OSGIN2: variants seen among roughly 807,000 people sequenced by gnomAD.
The protein encoded by OSGIN2 is oxidative stress-induced growth inhibitor 2.
A neutral mutation model predicts 53.8 loss-of-function variants in OSGIN2; 19 were observed. The ratio of observed to expected loss-of-function variants is 0.35; its 90% CI spans 0.25 to 0.52. The LOEUF (loss-of-function observed/expected upper bound fraction) is 0.52. Among genes scored for constraint, OSGIN2 ranks in the 20% least tolerant of loss-of-function variants. The pLI is 0.95. For synonymous variants in OSGIN2, 236 were observed against 236.0 expected (o/e 1.00, Z 0.00); for missense variants, 520 against 662.7 (o/e 0.78, Z 2.36).
intron 1 of OSGIN2, among the ~76,000 whole-genome samples, chr8:89,904,929 A>G (rs572432857): frequency 1.3e-5 from 2 of 152,092 alleles, no homozygotes; most frequent in South Asian, 4.1e-4. Flanking sequence ...AAAGGAAAAA[A>G]CCTCTTCCTT....
Position 89,925,766 on chromosome 8 carries a change from C to A in OSGIN2, c.*234C>A. The A allele has an allele frequency of 4.7e-6, 2 of 424,538 alleles. No individual in the cohort carries two copies. Among genetic ancestry groups the A allele is most frequent in the Non-Finnish European group, 8.4e-6 (2 of 238,770 alleles). 26.3% of individuals were successfully genotyped at this position (424,538 alleles called of 1,614,324 possible). A position where few individuals can be genotyped will look rare whatever the true frequency, so the allele number is the denominator to read the frequency against. ...CACTGCCAACTTGGTGTAACTTAAGCTTTCATTTAACTAAAACATTCTTTT... is the reference window on the plus strand; with the variant it reads ...CACTGCCAACTTGGTGTAACTTAAGATTTCATTTAACTAAAACATTCTTTT... On this transcript the variant is annotated 3_prime_UTR_variant, in exon 6 of 6. Transcript: ENST00000451899.
chr8:89,913,178 C>T (rs757084136), intron 2 of OSGIN2, among the ~76,000 whole-genome samples: 3 of 152,162 alleles, frequency 2.0e-5, no homozygotes, highest in African/African-American at 4.8e-5. Context: ...ATTCCGGCAC[C>T]TCTCATAATC....
At chr8:89,910,858 A>G (rs981103252) in intron 2 of OSGIN2, among the ~76,000 whole-genome samples, 1 of 152,216 alleles carries the variant, frequency 6.6e-6, no homozygotes, top group Non-Finnish European at 1.5e-5. Flanking sequence ...AGCCTCATGT[A>G]TATTTATATA....
At chr8:89,914,777 A>G in intron 4 of OSGIN2, 31 bp downstream of exon 4, 1 of 1,532,132 alleles carries the variant, frequency 6.5e-7, no homozygotes, top group Admixed American at 1.7e-5. Context: ...ATTTTAGTGT[A>G]TGTGAATTAT....
Position 89,921,180 on chromosome 8 carries a change from T to C in OSGIN2, c.620+9T>C. 2.7e-6 allele frequency: 4 copies of C among 1,485,214 alleles called. No individual in the cohort carries two copies. Among genetic ancestry groups the C allele is most frequent in the Non-Finnish European group, 3.7e-6 (4 of 1,082,522 alleles). The allele number at this position is 1,485,214 out of a possible 1,614,324, so 92.0% of individuals were successfully genotyped here. A position where few individuals can be genotyped will look rare whatever the true frequency, so the allele number is the denominator to read the frequency against. ...GTATCAAGTAAACGAAGGTAAAGATTGAACTGTATTAAAATTCTTTGGTGT... is the reference window on the plus strand; with the variant it reads ...GTATCAAGTAAACGAAGGTAAAGATCGAACTGTATTAAAATTCTTTGGTGT... On this transcript the variant is annotated intron_variant, in intron 5 of 5. Coordinates refer to ENST00000451899, the MANE Select transcript of OSGIN2 (RefSeq NM_001126111.3).
chr8:89,909,953 T>C (rs937550156), intron 2 of OSGIN2, among the ~76,000 whole-genome samples: 1 of 152,230 alleles, frequency 6.6e-6, no homozygotes, highest in African/African-American at 2.4e-5. Context: ...TACATTATTT[T>C]AAAATATCTC....
rs1809339474 is a variant in OSGIN2 at position 89,926,615 on chromosome 8, T to C, written c.*1083T>C. 6.6e-6 allele frequency: 1 copy of C among 152,406 alleles called. No individual in the cohort carries two copies. The highest frequency in any genetic ancestry group is 6.5e-5 in the Admixed American group (1 of 15,270). The allele number at this position is 152,406 out of a possible 1,614,324, so 9.4% of individuals were successfully genotyped here. Reference sequence around the variant, plus strand: ...GATGACATAGCAGCTCATATCATGGTTGTTTATTGGATTTATCTGTTCTAA... The same window carrying C: ...GATGACATAGCAGCTCATATCATGGCTGTTTATTGGATTTATCTGTTCTAA... On this transcript the variant is annotated 3_prime_UTR_variant, in exon 6 of 6. Transcript: ENST00000451899.
At chr8:89,902,374 C>G (rs1429459477), upstream of OSGIN2, among the ~76,000 whole-genome samples, 8 of 152,152 alleles carry the variant, frequency 5.3e-5, no homozygotes, top group Admixed American at 2.0e-4. Flanking sequence ...CGCAGTTTGC[C>G]TGCAGACCTC....
intron 1 of OSGIN2, among the ~76,000 whole-genome samples, chr8:89,909,051 CATA>C (rs1808911301): frequency 2.2e-5 from 2 of 92,566 alleles, no homozygotes; most frequent in East Asian, 6.5e-4. Context: ...TATATATATA[CATA>C]TATATATATA....
intron 1 of OSGIN2, among the ~76,000 whole-genome samples, chr8:89,903,364 G>T (rs1411814289): frequency 6.6e-6 from 1 of 152,164 alleles, no homozygotes; most frequent in East Asian, 1.9e-4. Context: ...ATGGGGAAAG[G>T]TTTTAGGGGT....
chr8:89,916,632 C>T (rs1809084900), intron 4 of OSGIN2, among the ~76,000 whole-genome samples: 1 of 152,192 alleles, frequency 6.6e-6, no homozygotes, highest in Admixed American at 6.5e-5. Context: ...TCCTACTTAG[C>T]TTCATATAGT....
chr8:89,913,785 G>T (rs1809020428), intron 2 of OSGIN2, among the ~76,000 whole-genome samples: 1 of 152,198 alleles, frequency 6.6e-6, no homozygotes, highest in Admixed American at 6.5e-5. Context: ...CTATCAGGTA[G>T]AATCAAGAAG....
rs773820769 is a variant in OSGIN2 at position 89,924,977 on chromosome 8, C to G, written c.1095C>G (p.Tyr365Ter). Residue 365 changes from tyrosine (Y) to a stop codon, truncating the protein, a stop_gained, in exon 6 of 6, where the codon TAC (tyrosine) becomes TAG (stop). Transcript: ENST00000451899. LOFTEE classifies it high-confidence loss of function. The part of the protein sequence containing the change: ...LTAADAVLCA[Y>*]NSNIPVIHVF... ...CCGCTGACGCAGTACTGTGTGCTTA[C>G]AACAGTAATATCCCTGTGATTCATG... 1.2e-6 allele frequency: 2 copies of G among 1,613,844 alleles called. No individual in the cohort carries two copies. The highest frequency in any genetic ancestry group is 2.2e-5 in the East Asian group (1 of 44,878).
intron 5 of OSGIN2, among the ~76,000 whole-genome samples, chr8:89,923,372 T>A (rs923078803): frequency 3.3e-5 from 5 of 152,168 alleles, no homozygotes; most frequent in African/African-American, 1.2e-4. Flanking sequence ...TAATAATAAT[T>A]ATTAAACTTC....
At chr8:89,920,271 A>G (rs899556888) in intron 4 of OSGIN2, among the ~76,000 whole-genome samples, 2 of 152,114 alleles carry the variant, frequency 1.3e-5, no homozygotes, top group Non-Finnish European at 2.9e-5. Context: ...CCTAGTACAT[A>G]GTAAGTACTC....
rs1364519713 is a variant in OSGIN2 at position 89,909,035 on chromosome 8, A to T, written c.45-532A>T. Among the ~76,000 whole-genome samples, 628 of 99,426 alleles carry T rather than the reference A, an allele frequency of 6.3e-3. 6 individuals are homozygous for T. The highest frequency in any genetic ancestry group is 7.5e-3 in the African/African-American group (119 of 15,972). The allele number at this position is 99,426 out of a possible 152,430, so 65.2% of individuals were successfully genotyped here. A position where few individuals can be genotyped will look rare whatever the true frequency, so the allele number is the denominator to read the frequency against. On this transcript the variant is annotated intron_variant, in intron 1 of 5. Coordinates refer to ENST00000451899, the MANE Select transcript of OSGIN2 (RefSeq NM_001126111.3). ...CCAAAAAAAAAAAAAAAAAAAAAAA[A>T]AAATATATATATATACATATATATA...
In OSGIN2 at chr8:89,914,609, GTACTTTTCGA is replaced by G; in HGVS notation, c.395_404del (p.Leu132HisfsTer21). On this transcript the variant is annotated frameshift_variant, in exon 4 of 6. Coordinates refer to ENST00000451899, the MANE Select transcript of OSGIN2 (RefSeq NM_001126111.3). LOFTEE classifies it high-confidence loss of function. ...GGGCCGATCATCCAATCCAGTTGCA[GTACTTTTCGA>G]TACACTTCTTCATCCAGATGCTGAC... is the stretch of plus-strand genomic sequence containing the variant. The G allele has an allele frequency of 6.2e-7, 1 of 1,614,094 alleles. No individual in the cohort carries two copies. Among genetic ancestry groups the G allele is most frequent in the Non-Finnish European group, 8.5e-7 (1 of 1,179,972 alleles).
At position 89,925,370 on chromosome 8, in the gene OSGIN2, G is replaced by C; in HGVS notation, c.1488G>C (p.Glu496Asp). 1.2e-6 allele frequency: 2 copies of C among 1,614,142 alleles called. No homozygotes were observed. The highest frequency in any genetic ancestry group is 1.7e-6 in the Non-Finnish European group (2 of 1,179,994). Residue 496 changes from glutamate (E) to aspartate (D), a missense_variant, in exon 6 of 6, where the codon GAG becomes GAC. Around this residue, in one of 3 missense-constraint regions of OSGIN2, gnomAD observed 239 missense variants for 328.3 expected, o/e 0.73. Coordinates refer to ENST00000451899, the MANE Select transcript of OSGIN2 (RefSeq NM_001126111.3). Reference sequence around the variant, plus strand: ...TGGAAATAGATACATATACCTATGAGTGTATTAAAGAAGCCAACCTTTTTG... The same window carrying C: ...TGGAAATAGATACATATACCTATGACTGTATTAAAGAAGCCAACCTTTTTG... ...NPVEIDTYTYECIKEANLFAL... is the reference protein window; with the variant it reads ...NPVEIDTYTYDCIKEANLFAL...
At chr8:89,917,067 C>G (rs375563878) in intron 4 of OSGIN2, among the ~76,000 whole-genome samples, 10 of 152,328 alleles carry the variant, frequency 6.6e-5, no homozygotes, top group Middle Eastern at 3.4e-3. Flanking sequence ...GCACCTAATT[C>G]ATGGGTCTTC....
Sources: gnomAD v4.1 joint callset for allele counts (sites outside exome capture counted in the v4.1 genomes callset) on GRCh38, gnomAD v4.1.1 for gene constraint, gnomAD v4.1.1 regional missense constraint, MANE v1.5 for transcripts, NCBI Gene and HGNC (gene_info 2026-07-23, HGNC 2026-07-21) for gene names.